SKOR2: variants seen among roughly 807,000 people sequenced by gnomAD.
SKOR2 encodes SKI family transcriptional corepressor 2.
SKOR2 carries 47 observed loss-of-function variants against 69.1 expected under a neutral mutation model. The ratio of observed to expected loss-of-function variants is 0.68; its 90% CI spans 0.54 to 0.87. The LOEUF (loss-of-function observed/expected upper bound fraction) is 0.87, where lower values mean the gene tolerates loss of function less well. SKOR2 is among the 40% of genes least tolerant of loss of function. The probability of loss-of-function intolerance (pLI) is 0.00; values close to 1 mark genes in which losing one functional copy is unlikely to be tolerated. For synonymous variants in SKOR2, 717 were observed against 672.6 expected, an observed-to-expected ratio of 1.07 and a Z score of -1.02; for missense variants, 1,404 against 1,472.2, an observed-to-expected ratio of 0.95 and a Z score of 0.76.
chr18:47,235,780 CAAAAAAAAA>C (rs11433396), intron 4 of SKOR2, among the ~76,000 whole-genome samples: 15 of 59,276 alleles, frequency 2.5e-4, no homozygotes. Context: ...CACAAACAAG[CAAAAAAAAA>C]AAAAAAAAAA....
chr18:47,238,464 A>T (rs2064235125), intron 4 of SKOR2, among the ~76,000 whole-genome samples: 1 of 151,600 alleles, frequency 6.6e-6, no homozygotes. Context: ...CTGGGATTAC[A>T]GGTGGCTGCC....
At chr18:47,239,170 G>A (rs928529752) in intron 4 of SKOR2, among the ~76,000 whole-genome samples, 2 of 152,082 alleles carry the variant, frequency 1.3e-5, no homozygotes, top group Non-Finnish European at 2.9e-5. Flanking sequence ...GCATAGAGAG[G>A]TTTTTAAAAA....
Position 47,207,569 on chromosome 18 carries a change from G to A in SKOR2, c.*4-677C>T, listed in dbSNP as rs114188593. ...GGTCCAAAGATTAAATAAGATAATC[G>A]ACATAAAGTCCTTAGAACAGTGGGG... On this transcript the variant is annotated intron_variant, in intron 8 of 8. Coordinates refer to ENST00000425639, the MANE Select transcript of SKOR2 (RefSeq NM_001278063.4). Among the ~76,000 whole-genome samples, 453 of 152,150 alleles carry A rather than the reference G, an allele frequency of 3.0e-3. 2 individuals carry two copies. Among genetic ancestry groups the A allele is most frequent in the African/African-American group, 0.011 (444 of 41,512 alleles).
chr18:47,248,155 G>C lies in SKOR2; in HGVS notation c.1029C>G (p.Gly343=), dbSNP rs1372065277. Residue 343 remains glycine, a synonymous_variant, in exon 2 of 9, where the codon GGC becomes GGG. Coordinates refer to ENST00000425639, the MANE Select transcript of SKOR2 (RefSeq NM_001278063.4). This position sits in a 1 kb window ranked among gnomAD's most constrained non-coding sequence, Gnocchi z 6.4. ...AASLSVAAAS[G]GAGTGGGGAG... ...CGCCGCCCCCACCAGTCCCCGCGCC[G>C]CCCGAAGCAGCAGCCACAGAGAGGC... 1 of 1,254,830 alleles carries C rather than the reference G, an allele frequency of 8.0e-7. No individual in the cohort carries two copies. Among genetic ancestry groups the C allele is most frequent in the Non-Finnish European group, 9.9e-7 (1 of 1,006,340 alleles). 77.7% of individuals were successfully genotyped at this position (1,254,830 alleles called of 1,614,324 possible). A position where few individuals can be genotyped will look rare whatever the true frequency, so the allele number is the denominator to read the frequency against.
At chr18:47,245,439 A>T in intron 3 of SKOR2, 59 bp downstream of exon 3, 1 of 1,433,612 alleles carries the variant, frequency 7.0e-7, no homozygotes, top group Non-Finnish European at 9.1e-7. Context: ...CATAAGTCTC[A>T]CAGAAATGGT....
rs186669012 is a variant in SKOR2 at position 47,224,538 on chromosome 18, C to G, written c.2918-4528G>C. ...TCACATCTGGTTCACCTGGAATGTTCTAAGCAAGCAGTGGGCTTTGGGGTT... is the reference window on the plus strand; with the variant it reads ...TCACATCTGGTTCACCTGGAATGTTGTAAGCAAGCAGTGGGCTTTGGGGTT... On this transcript the variant is annotated intron_variant, in intron 6 of 8. Transcript: ENST00000425639. Among the ~76,000 whole-genome samples, 49 of 152,268 alleles carry G rather than the reference C, an allele frequency of 3.2e-4. 1 individual carries two copies. The East Asian group carries it at 8.3e-3, about 26-fold the overall frequency.
intron 4 of SKOR2, among the ~76,000 whole-genome samples, chr18:47,242,896 G>A (rs2064255219): frequency 6.6e-6 from 1 of 152,144 alleles, no homozygotes. Flanking sequence ...TGAATGGAAA[G>A]CAGGTTTCAC....
rs1249729542 is a variant in SKOR2 at position 47,246,831 on chromosome 18, C to T, written c.2353G>A (p.Gly785Ser). The change falls in exon 2 of 9, where the codon GGC becomes AGC. Residue 785 changes from glycine to serine, a missense_variant. By Grantham distance (56) the Gly-to-Ser change is moderately conservative (BLOSUM62 0). Coordinates refer to ENST00000425639, the MANE Select transcript of SKOR2 (RefSeq NM_001278063.4). ...VLLGDPLVGG[G>S]RFLQGRGPSE... ...GGCCCTCGGCCCTGGAGGAACCGGCCGCCCCCGACTAAGGGGTCGCCGAGT... is the reference window on the plus strand; with the variant it reads ...GGCCCTCGGCCCTGGAGGAACCGGCTGCCCCCGACTAAGGGGTCGCCGAGT... 2.7e-6 allele frequency: 4 copies of T among 1,464,246 alleles called. No homozygotes were observed. Among genetic ancestry groups the T allele is most frequent in the Non-Finnish European group, 2.7e-6 (3 of 1,114,530 alleles). 90.7% of individuals were successfully genotyped at this position (1,464,246 alleles called of 1,614,324 possible).
chr18:47,230,573 A>G lies in SKOR2; in HGVS notation c.2819-16T>C, dbSNP rs1600034920. On this transcript the variant is annotated splice_polypyrimidine_tract_variant and intron_variant, in intron 5 of 8. Transcript: ENST00000425639. The stretch of plus-strand genomic sequence containing the variant: ...TGAAGTTCTTCTAATAAAAAAAAGA[A>G]GAGTCATTTTACTAATCTTTACAAA... 5 of 1,376,276 alleles carry G rather than the reference A, an allele frequency of 3.6e-6. No homozygotes were observed. The highest frequency in any genetic ancestry group is 4.7e-6 in the Non-Finnish European group (5 of 1,061,560). 85.3% of individuals were successfully genotyped at this position (1,376,276 alleles called of 1,614,324 possible). A position where few individuals can be genotyped will look rare whatever the true frequency, so the allele number is the denominator to read the frequency against.
intron 4 of SKOR2, among the ~76,000 whole-genome samples, chr18:47,243,986 A>G (rs997945468): frequency 6.6e-6 from 1 of 152,210 alleles, no homozygotes; most frequent in African/African-American, 2.4e-5. Flanking sequence ...ATGATATATA[A>G]AGCTTTCTTC....
At chr18:47,217,161 G>A (rs1269347760) in intron 7 of SKOR2, among the ~76,000 whole-genome samples, 1 of 152,128 alleles carries the variant, frequency 6.6e-6, no homozygotes. Context: ...TAGCCGGATG[G>A]GCATGGTGGC....
chr18:47,212,249 A>G lies in SKOR2; in HGVS notation c.2986-98T>C, dbSNP rs928106260. Reference sequence around the variant, plus strand: ...ATCATGCCTAACAATTTGAATGCCAATAGATCCTCCCTGAAAAAAAGAGGT... The same window carrying G: ...ATCATGCCTAACAATTTGAATGCCAGTAGATCCTCCCTGAAAAAAAGAGGT... On this transcript the variant is annotated intron_variant, in intron 7 of 8. Coordinates refer to ENST00000425639, the MANE Select transcript of SKOR2 (RefSeq NM_001278063.4). 24 of 1,101,378 alleles carry G rather than the reference A, an allele frequency of 2.2e-5. No homozygotes were observed. The African/African-American group carries it at 3.6e-4, about 16-fold the overall frequency. The allele number at this position is 1,101,378 out of a possible 1,614,324, so 68.2% of individuals were successfully genotyped here.
At position 47,247,696 on chromosome 18, in the gene SKOR2, G is replaced by C; in HGVS notation, c.1488C>G (p.Gly496=). 1 of 1,365,704 alleles carries C rather than the reference G, an allele frequency of 7.3e-7. No homozygotes were observed. The highest frequency in any genetic ancestry group is 1.8e-5 in the South Asian group (1 of 56,870). The allele number at this position is 1,365,704 out of a possible 1,614,324, so 84.6% of individuals were successfully genotyped here. ...QPPPQPPSAL[G]CALGESPALL... is the part of the protein sequence containing the mutation. ...GGGCCGGGCTTTCGCCTAGCGCGCA[G>C]CCTAGCGCCGAGGGCGGCTGAGGCG... is the stretch of plus-strand genomic sequence containing the variant. The change falls in exon 2 of 9, where the codon GGC becomes GGG. Residue 496 remains glycine (G), a synonymous_variant. Coordinates refer to ENST00000425639, the MANE Select transcript of SKOR2 (RefSeq NM_001278063.4). The surrounding 1 kb of genome is among the most constrained non-coding windows in gnomAD (Gnocchi z 6.6).
intron 1 of SKOR2, 125 bp from the exon 2 acceptor site, chr18:47,249,355 A>G (rs936907795): frequency 6.5e-6 from 6 of 917,704 alleles, no homozygotes; most frequent in African/African-American, 1.7e-5. Flanking sequence ...TTATTACTGG[A>G]AAAAGTGACC....
At chr18:47,213,700 G>A (rs904101655) in intron 7 of SKOR2, among the ~76,000 whole-genome samples, 2 of 152,048 alleles carry the variant, frequency 1.3e-5, no homozygotes, top group Non-Finnish European at 2.9e-5. Flanking sequence ...GGCATAGATA[G>A]CATCACTGAA....
intron 6 of SKOR2, among the ~76,000 whole-genome samples, chr18:47,224,141 C>CCTTGGCCTCCCA: frequency 6.6e-6 from 1 of 152,174 alleles, no homozygotes; most frequent in East Asian, 1.9e-4. Context: ...CTCCTGACCT[C>CCTTGGCCTCCCA]AAGTGATCCA....
intron 7 of SKOR2, among the ~76,000 whole-genome samples, chr18:47,212,902 G>A (rs1963419): frequency 0.047 from 7,210 of 152,142 alleles, 233 homozygotes; most frequent in Non-Finnish European, 0.072. Flanking sequence ...AGGTCAAGGC[G>A]GCAGTGAGCC....
chr18:47,214,994 T>TAA (rs5824652), intron 7 of SKOR2, among the ~76,000 whole-genome samples: 25 of 149,054 alleles, frequency 1.7e-4, no homozygotes, highest in Admixed American at 2.0e-4. Context: ...TACTGGAGTT[T>TAA]AAAAAAAAAA....
chr18:47,248,548 A>T lies in SKOR2; in HGVS notation c.636T>A (p.His212Gln). ...DAANFNSWRR[H>Q]LKLTDKSPQD... is the part of the protein sequence containing the mutation. ...GGGGACTCTTGTCGGTGAGCTTGAG[A>T]TGACGGCGCCACGAGTTGAAGTTGG... Residue 212 changes from histidine to glutamine, a missense_variant, in exon 2 of 9, where the codon CAT becomes CAA. This residue lies in a region of SKOR2 where 1,266 missense variants were observed against 1,309.9 expected (regional missense o/e 0.97). Transcript: ENST00000425639. The surrounding 1 kb of genome is among the most constrained non-coding windows in gnomAD (Gnocchi z 6.4). 2 of 1,537,368 alleles carry T rather than the reference A, an allele frequency of 1.3e-6. No homozygotes were observed. The highest frequency in any genetic ancestry group is 1.7e-6 in the Non-Finnish European group (2 of 1,146,952).
Sources: gnomAD v4.1 joint callset for allele counts (sites outside exome capture counted in the v4.1 genomes callset) on GRCh38, gnomAD v4.1.1 for gene constraint, gnomAD v4.1.1 regional missense constraint, Gnocchi (gnomAD v3.1) non-coding constraint, MANE v1.5 for transcripts, NCBI Gene and HGNC (gene_info 2026-07-23, HGNC 2026-07-21) for gene names.